Variants in MMP16 observed in about 807,000 individuals in gnomAD.
MMP16 encodes the protein matrix metalloproteinase-16.
Under a neutral mutation model 67.8 loss-of-function variants are expected in MMP16, and 12 were observed. The observed-to-expected ratio is 0.18, with a 90% CI of 0.11 to 0.29. MMP16 has a LOEUF of 0.29. MMP16 is among the 10% of genes least tolerant of loss of function. The pLI, the probability that MMP16 is intolerant of heterozygous loss-of-function variation, is 1.00. For synonymous variants in MMP16, 249 were observed against 255.9 expected (o/e 0.97, Z 0.26); for missense variants, 475 against 765.7 (o/e 0.62, Z 4.48).
At chr8:88,134,416 T>C (rs974689101) in intron 4 of MMP16, among the ~76,000 whole-genome samples, 1 of 151,802 alleles carries the variant, frequency 6.6e-6, no homozygotes, top group Non-Finnish European at 1.5e-5. Context: ...TTATAAAATA[T>C]GTACCTAGAA....
At chr8:88,062,949 T>C (rs1211457749) in intron 7 of MMP16, among the ~76,000 whole-genome samples, 1 of 152,112 alleles carries the variant, frequency 6.6e-6, no homozygotes, top group Non-Finnish European at 1.5e-5. Context: ...CATCAGACAG[T>C]CTGGGTCTCA....
intron 6 of MMP16, among the ~76,000 whole-genome samples, chr8:88,115,502 C>A (rs528177898): frequency 6.6e-6 from 1 of 151,700 alleles, no homozygotes; most frequent in Admixed American, 6.6e-5. Context: ...TATATCGAAT[C>A]CAGATCTTAT....
chr8:88,231,958 G>A (rs2129875153), intron 1 of MMP16, among the ~76,000 whole-genome samples: 1 of 152,188 alleles, frequency 6.6e-6, no homozygotes, highest in South Asian at 2.1e-4. Flanking sequence ...ATTCTAACAT[G>A]ATCGAGTGCT....
At chr8:88,217,556 C>G (rs1349060839) in intron 1 of MMP16, among the ~76,000 whole-genome samples, 1 of 152,172 alleles carries the variant, frequency 6.6e-6, no homozygotes, top group African/African-American at 2.4e-5. Flanking sequence ...CAATGTGGAA[C>G]TGGCTTCATC....
chr8:88,295,164 T>C (rs1810993136), intron 1 of MMP16, among the ~76,000 whole-genome samples: 1 of 152,204 alleles, frequency 6.6e-6, no homozygotes, highest in African/African-American at 2.4e-5. Context: ...TAATCAAACC[T>C]TGTCTTAATG....
chr8:88,161,762 C>T (rs538612534), intron 4 of MMP16, among the ~76,000 whole-genome samples: 5 of 152,150 alleles, frequency 3.3e-5, no homozygotes, highest in Admixed American at 6.6e-5. Flanking sequence ...TCTTTGTTCT[C>T]GTTGGTTTCA....
rs575015204 is a variant in MMP16 at position 88,167,055 on chromosome 8, T to C, written c.709+614A>G. Among the ~76,000 whole-genome samples the C allele has an allele frequency of 1.1e-4, 16 of 151,874 alleles. 1 individual carries two copies. The South Asian group carries it at 2.9e-3, about 28-fold the overall frequency. ...GGTGAAACCCCATCTCTACTAAAAA[T>C]ACAAAAATTAGCTGGGCATGGTGGC... On this transcript the variant is annotated intron_variant, in intron 4 of 9. Transcript: ENST00000286614.
chr8:88,113,719 T>G (rs894024178), intron 6 of MMP16, among the ~76,000 whole-genome samples: 1 of 151,900 alleles, frequency 6.6e-6, no homozygotes, highest in Non-Finnish European at 1.5e-5. Flanking sequence ...TGTTCTCATA[T>G]CCTTCTGTGA....
At chr8:88,131,257 C>G (rs574497570) in intron 4 of MMP16, among the ~76,000 whole-genome samples, 1 of 129,066 alleles carries the variant, frequency 7.7e-6, no homozygotes, top group East Asian at 2.2e-4. Context: ...GTATGACTAT[C>G]TATAGTATTA....
intron 6 of MMP16, among the ~76,000 whole-genome samples, chr8:88,112,120 C>G (rs775894812): frequency 1.1e-4 from 16 of 151,204 alleles, no homozygotes; most frequent in Middle Eastern, 3.4e-3. Context: ...CTTTCTAGTT[C>G]TAGTGTAAAG....
At chr8:88,175,333 T>C (rs1379708056) in intron 3 of MMP16, among the ~76,000 whole-genome samples, 1 of 152,192 alleles carries the variant, frequency 6.6e-6, no homozygotes, top group Non-Finnish European at 1.5e-5. Flanking sequence ...ACAGTTCAGC[T>C]ATCCTTTTCA....
chr8:88,254,755 C>T (rs1810276408), intron 1 of MMP16, among the ~76,000 whole-genome samples: 1 of 151,948 alleles, frequency 6.6e-6, no homozygotes, highest in Admixed American at 6.6e-5. Flanking sequence ...GACATGACAA[C>T]AAAATACAAC....
intron 1 of MMP16, among the ~76,000 whole-genome samples, chr8:88,308,447 A>C (rs1469685578): frequency 6.6e-6 from 1 of 152,110 alleles, no homozygotes; most frequent in Non-Finnish European, 1.5e-5. Flanking sequence ...AGCTACATAA[A>C]GCAAGAGGTG....
intron 1 of MMP16, among the ~76,000 whole-genome samples, chr8:88,272,240 C>G (rs1334363925): frequency 6.6e-6 from 1 of 152,126 alleles, no homozygotes; most frequent in African/African-American, 2.4e-5. Context: ...GTCACATTAT[C>G]ATTATTATTA....
intron 3 of MMP16, among the ~76,000 whole-genome samples, chr8:88,177,600 G>T (rs1808913401): frequency 6.6e-6 from 1 of 151,918 alleles, no homozygotes; most frequent in Non-Finnish European, 1.5e-5. Flanking sequence ...GCATGGGGAG[G>T]AAAAAAAGCA....
intron 6 of MMP16, among the ~76,000 whole-genome samples, chr8:88,088,648 A>G (rs1808883856): frequency 1.3e-5 from 2 of 152,122 alleles, no homozygotes; most frequent in Admixed American, 6.6e-5. Context: ...TTATGCTAAT[A>G]TGCTCTTGAA....
At chr8:88,148,694 T>G (rs532442937) in intron 4 of MMP16, among the ~76,000 whole-genome samples, 134 of 152,046 alleles carry the variant, frequency 8.8e-4, no homozygotes, top group African/African-American at 3.1e-3. Flanking sequence ...GTCAAAATAT[T>G]CAATAAAAAT....
intron 4 of MMP16, among the ~76,000 whole-genome samples, chr8:88,161,529 G>T (rs184414150): frequency 0.061 from 9,202 of 151,936 alleles, 453 homozygotes; most frequent in African/African-American, 0.12. Flanking sequence ...TTTTTGAGGG[G>T]TTTTTTTGTG....
chr8:88,298,529 AGAG>A (rs1295300602), intron 1 of MMP16, among the ~76,000 whole-genome samples: 4 of 152,138 alleles, frequency 2.6e-5, no homozygotes, highest in African/African-American at 9.7e-5. Flanking sequence ...AAATCACACG[AGAG>A]GAGGGGAGAT....
Sources: gnomAD v4.1 joint callset for allele counts (sites outside exome capture counted in the v4.1 genomes callset) on GRCh38, gnomAD v4.1.1 for gene constraint, MANE v1.5 for transcripts, NCBI Gene and HGNC (gene_info 2026-07-23, HGNC 2026-07-21) for gene names.